Variants in FHOD3 observed in about 807,000 individuals in gnomAD.
FHOD3 encodes FH1/FH2 domain-containing protein 3.
A neutral mutation model predicts 173.0 loss-of-function variants in FHOD3; 90 were observed. That is an observed-to-expected ratio of 0.52 (90% CI 0.44 to 0.62). FHOD3 has a LOEUF of 0.62. Ranked by LOEUF, FHOD3 falls within the 20% of genes least tolerant of loss-of-function variation. The pLI is 0.00. For synonymous variants in FHOD3, 828 were observed against 823.0 expected, an observed-to-expected ratio of 1.01 and a Z score of -0.10; for missense variants, 1,945 against 2,034.7, an observed-to-expected ratio of 0.96 and a Z score of 0.85.
chr18:36,483,669 G>A (rs913809617), intron 3 of FHOD3, among the ~76,000 whole-genome samples: 2 of 152,170 alleles, frequency 1.3e-5, no homozygotes, highest in Non-Finnish European at 2.9e-5. Flanking sequence ...TGAAGAACTG[G>A]TACAGAGATT....
intron 17 of FHOD3, among the ~76,000 whole-genome samples, chr18:36,695,843 T>C (rs2039252456): frequency 1.3e-5 from 2 of 152,320 alleles, no homozygotes; most frequent in South Asian, 4.1e-4. Flanking sequence ...AATAGTATAT[T>C]CTTTTTACCA....
chr18:36,728,226 G>T (rs1355053331), intron 19 of FHOD3, among the ~76,000 whole-genome samples: 2 of 152,182 alleles, frequency 1.3e-5, no homozygotes, highest in Admixed American at 6.5e-5. Context: ...GCATGGATTT[G>T]GGGTAGGTGC....
intron 27 of FHOD3, among the ~76,000 whole-genome samples, chr18:36,761,633 C>T (rs920279533): frequency 1.3e-5 from 2 of 152,194 alleles, no homozygotes; most frequent in African/African-American, 2.4e-5. Context: ...CGCTCCTCTG[C>T]CTGTCCCGTT....
chr18:36,682,782 G>A (rs1409034967), intron 15 of FHOD3, among the ~76,000 whole-genome samples: 1 of 152,066 alleles, frequency 6.6e-6, no homozygotes, highest in Non-Finnish European at 1.5e-5. Flanking sequence ...GGGTTTTACT[G>A]TGTTGGCCAG....
At chr18:36,321,118 C>T (rs1004427760) in intron 1 of FHOD3, among the ~76,000 whole-genome samples, 5 of 150,400 alleles carry the variant, frequency 3.3e-5, no homozygotes, top group African/African-American at 9.8e-5. Context: ...ATCCAGTAGT[C>T]TTTCTTACCT....
rs570359304 is a variant in FHOD3, at chr18:36,466,177, G to A, written c.338-35755G>A. 1.9e-3 allele frequency among the ~76,000 whole-genome samples: 296 copies of A among 152,296 alleles called. 1 individual carries two copies. Among genetic ancestry groups the A allele is most frequent in the Non-Finnish European group, 3.1e-3 (213 of 68,034 alleles). On this transcript the variant is annotated intron_variant, in intron 3 of 28. Transcript: ENST00000590592. ...CAGTCCATGTTATCCCAGAGGGAGG[G>A]AGACTCTCAGGCTATCCCGCAGAGA...
chr18:36,460,879 C>A (rs1487688280), intron 3 of FHOD3, among the ~76,000 whole-genome samples: 2 of 152,256 alleles, frequency 1.3e-5, no homozygotes, highest in South Asian at 4.2e-4. Flanking sequence ...CTACATGCTC[C>A]TGCTCCCCCT....
At chr18:36,563,699 G>A (rs900672552) in intron 5 of FHOD3, among the ~76,000 whole-genome samples, 9 of 152,154 alleles carry the variant, frequency 5.9e-5, no homozygotes, top group Non-Finnish European at 1.0e-4. Context: ...ATGCGGTACT[G>A]TCTTAGAAGC....
intron 5 of FHOD3, among the ~76,000 whole-genome samples, chr18:36,547,284 C>T (rs949469377): frequency 6.6e-6 from 1 of 152,210 alleles, no homozygotes; most frequent in East Asian, 1.9e-4. Context: ...CTTCCCATCT[C>T]TCTCCAAGGC....
At chr18:36,361,104 G>A (rs2046589303) in intron 2 of FHOD3, among the ~76,000 whole-genome samples, 1 of 152,058 alleles carries the variant, frequency 6.6e-6, no homozygotes, top group African/African-American at 2.4e-5. Context: ...TGAGTGGAGG[G>A]TGCAGGTGTG....
intron 3 of FHOD3, among the ~76,000 whole-genome samples, chr18:36,494,605 G>A (rs748881583): frequency 8.5e-5 from 13 of 152,170 alleles, no homozygotes; most frequent in Non-Finnish European, 7.3e-5. Context: ...AGTAAGGGAT[G>A]TATAATCAGC....
intron 14 of FHOD3, among the ~76,000 whole-genome samples, chr18:36,659,606 G>A (rs2036644745): frequency 6.6e-6 from 1 of 152,166 alleles, no homozygotes; most frequent in Admixed American, 6.5e-5. Flanking sequence ...TCTGTTCATT[G>A]GTGTGTTCCC....
chr18:36,742,647 C>A, intron 21 of FHOD3, 90 bp from the exon 22 acceptor site: 2 of 1,377,518 alleles, frequency 1.5e-6, no homozygotes, highest in African/African-American at 1.4e-5. Context: ...GGGAGAACAC[C>A]GTGTGTTATT....
chr18:36,656,629 C>T (rs1041219054), intron 13 of FHOD3, among the ~76,000 whole-genome samples: 1 of 152,008 alleles, frequency 6.6e-6, no homozygotes, highest in Non-Finnish European at 1.5e-5. Flanking sequence ...AAAAATAGCC[C>T]ATTTTTATAG....
At chr18:36,361,293 C>T (rs542671495) in intron 2 of FHOD3, among the ~76,000 whole-genome samples, 18 of 152,194 alleles carry the variant, frequency 1.2e-4, no homozygotes, top group African/African-American at 4.1e-4. Context: ...GTGGGTAGCC[C>T]AGAGGCCCTG....
At chr18:36,581,222 C>T (rs1424193493) in intron 6 of FHOD3, among the ~76,000 whole-genome samples, 2 of 152,232 alleles carry the variant, frequency 1.3e-5, no homozygotes, top group African/African-American at 4.8e-5. Flanking sequence ...AGGCAGATGC[C>T]AGGCCCATGA....
intron 28 of FHOD3, among the ~76,000 whole-genome samples, chr18:36,776,791 A>G (rs539596508): frequency 1.3e-5 from 2 of 152,270 alleles, no homozygotes; most frequent in East Asian, 3.9e-4. Context: ...CCATGAGTAG[A>G]CCCACGAGGG....
intron 1 of FHOD3, among the ~76,000 whole-genome samples, chr18:36,316,413 A>G (rs1292851681): frequency 6.6e-6 from 1 of 152,202 alleles, no homozygotes; most frequent in African/African-American, 2.4e-5. Context: ...GTTCACCAGC[A>G]AAAAGGGCAT....
chr18:36,380,568 T>TTTCCTTTACTTTCCTTTCC, intron 3 of FHOD3, among the ~76,000 whole-genome samples: 1 of 83,212 alleles, frequency 1.2e-5, no homozygotes, highest in East Asian at 9.2e-4. Flanking sequence ...TTTTCTTTTC[T>TTTCCTTTACTTTCCTTTCC]TTTCTTTTCT....
Sources: gnomAD v4.1 joint callset for allele counts (sites outside exome capture counted in the v4.1 genomes callset) on GRCh38, gnomAD v4.1.1 for gene constraint, MANE v1.5 for transcripts, NCBI Gene and HGNC (gene_info 2026-07-23, HGNC 2026-07-21) for gene names.